The following DTWD2 variants were observed in gnomAD, a reference collection of about 807,000 sequenced individuals.
DTWD2 encodes the protein DTW motif tRNA-uridine aminocarboxypropyltransferase 2, also known as tRNA-uridine aminocarboxypropyltransferase 2.
In DTWD2, 39 loss-of-function variants were observed where a neutral mutation model predicts 31.8. The ratio of observed to expected loss-of-function variants is 1.22; its 90% CI spans 0.95 to 1.60. DTWD2 has a LOEUF of 1.60. Among genes scored for constraint, DTWD2 ranks in the 40% most tolerant of loss-of-function variants. The probability of loss-of-function intolerance (pLI) is 0.00; values close to 1 mark genes in which losing one functional copy is unlikely to be tolerated. For missense variants in DTWD2, 515 were observed against 381.5 expected, an observed-to-expected ratio of 1.35 and a Z score of -2.92; for synonymous variants, 180 against 142.8, an observed-to-expected ratio of 1.26 and a Z score of -1.86.
At chr5:118,976,664 C>G (rs546622966) in intron 1 of DTWD2, among the ~76,000 whole-genome samples, 55 of 152,294 alleles carry the variant, frequency 3.6e-4, no homozygotes, top group African/African-American at 1.3e-3. Context: ...CCTGAATAGA[C>G]CGATAACAAG....
chr5:118,973,057 C>A (rs1176898691), intron 1 of DTWD2, among the ~76,000 whole-genome samples: 1 of 149,284 alleles, frequency 6.7e-6, no homozygotes, highest in African/African-American at 2.5e-5. Flanking sequence ...TCTGTTTTAT[C>A]AGAAACTAGG....
At chr5:118,975,042 C>T (rs1326427758) in intron 1 of DTWD2, among the ~76,000 whole-genome samples, 2 of 152,110 alleles carry the variant, frequency 1.3e-5, no homozygotes, top group African/African-American at 4.8e-5. Context: ...GTGGTGTTCT[C>T]TGTATTTCCT....
At chr5:118,860,563 T>G (rs1752237746) in intron 4 of DTWD2, among the ~76,000 whole-genome samples, 1 of 152,128 alleles carries the variant, frequency 6.6e-6, no homozygotes, top group African/African-American at 2.4e-5. Context: ...AGGGAAAATT[T>G]ATGTAAATAT....
intron 1 of DTWD2, among the ~76,000 whole-genome samples, chr5:118,948,139 TA>T (rs1754380803): frequency 6.6e-6 from 1 of 152,122 alleles, no homozygotes; most frequent in Non-Finnish European, 1.5e-5. Context: ...TAGCCTGCCT[TA>T]GCTGGTGAGT....
intron 4 of DTWD2, among the ~76,000 whole-genome samples, chr5:118,927,865 C>G (rs1299556082): frequency 2.6e-5 from 4 of 152,022 alleles, no homozygotes; most frequent in Non-Finnish European, 4.4e-5. Context: ...ATATTAAAAT[C>G]TCTCCAATTT....
chr5:118,880,720 T>C (rs1442111033), intron 4 of DTWD2, among the ~76,000 whole-genome samples: 1 of 152,182 alleles, frequency 6.6e-6, no homozygotes, highest in East Asian at 1.9e-4. Context: ...ATCTTTCTCA[T>C]ACATTTCATA....
At chr5:118,970,427 G>C (rs912828017) in intron 1 of DTWD2, among the ~76,000 whole-genome samples, 1 of 151,544 alleles carries the variant, frequency 6.6e-6, no homozygotes, top group Non-Finnish European at 1.5e-5. Flanking sequence ...CTCTGTCTCA[G>C]AAAAAGAAAA....
At chr5:118,854,110 G>T (rs1178182115) in intron 4 of DTWD2, among the ~76,000 whole-genome samples, 2 of 151,994 alleles carry the variant, frequency 1.3e-5, no homozygotes, top group African/African-American at 4.8e-5. Context: ...CTCACTTACA[G>T]CATACAAATA....
chr5:118,873,725 G>A (rs950854916), intron 4 of DTWD2, among the ~76,000 whole-genome samples: 18 of 152,172 alleles, frequency 1.2e-4, no homozygotes, highest in African/African-American at 4.3e-4. Context: ...AACCCTGACA[G>A]AGAACAAGGA....
At chr5:118,852,137 A>T (rs1422998591) in intron 4 of DTWD2, among the ~76,000 whole-genome samples, 2 of 152,184 alleles carry the variant, frequency 1.3e-5, no homozygotes, top group East Asian at 3.8e-4. Context: ...GGCTCTCTGC[A>T]AGAAGAAAAA....
chr5:118,850,477 CAAA>C (rs34808087), intron 4 of DTWD2, among the ~76,000 whole-genome samples: 1,208 of 29,802 alleles, frequency 0.041, no homozygotes, highest in South Asian at 0.051. Flanking sequence ...GACCCCACCA[CAAA>C]AAAAAAAAAA....
chr5:118,863,696 T>G (rs1752318127), intron 4 of DTWD2, among the ~76,000 whole-genome samples: 1 of 152,204 alleles, frequency 6.6e-6, no homozygotes, highest in Admixed American at 6.5e-5. Context: ...GATGAAAAGG[T>G]AATTTTGGAC....
chr5:118,895,597 T>A (rs1428693156), intron 4 of DTWD2, among the ~76,000 whole-genome samples: 1 of 152,194 alleles, frequency 6.6e-6, no homozygotes, highest in Non-Finnish European at 1.5e-5. Flanking sequence ...CATCACATTG[T>A]CTGATTCCAA....
At chr5:118,847,530 AT>A (rs1157973314) in intron 5 of DTWD2, among the ~76,000 whole-genome samples, 1 of 152,142 alleles carries the variant, frequency 6.6e-6, no homozygotes, top group Non-Finnish European at 1.5e-5. Flanking sequence ...ATGATTATTA[AT>A]TATATATGAA....
At chr5:118,929,637 C>T (rs1157592401) in intron 3 of DTWD2, among the ~76,000 whole-genome samples, 1 of 152,120 alleles carries the variant, frequency 6.6e-6, no homozygotes, top group East Asian at 1.9e-4. Context: ...TGAAGTTTTT[C>T]TTATAACATC....
chr5:118,988,331 C>G lies in DTWD2; in HGVS notation c.181G>C (p.Glu61Gln), dbSNP rs888461991. 7 of 1,544,736 alleles carry G rather than the reference C, an allele frequency of 4.5e-6. No individual in the cohort carries two copies. The highest frequency in any genetic ancestry group is 6.1e-6 in the Non-Finnish European group (7 of 1,149,394). Residue 61 changes from glutamate to glutamine, a missense_variant, in exon 1 of 6, where the codon GAG becomes CAG. Transcript: ENST00000510708. ...SADGLWELPV[E>Q]PAERRPECTR... is the part of the protein sequence containing the mutation. ...CACTCAGGCCTCCGCTCGGCCGGCT[C>G]CACCGGCAGCTCCCACAGCCCGTCC...
At chr5:118,934,036 T>G (rs192908273) in intron 3 of DTWD2, among the ~76,000 whole-genome samples, 1 of 151,606 alleles carries the variant, frequency 6.6e-6, no homozygotes, top group Admixed American at 6.6e-5. Flanking sequence ...CATTTGTAAT[T>G]GTTTTAAATA....
In DTWD2 at chr5:118,839,550, T is replaced by TG. The variant is rs1028400288; in HGVS notation, c.*1366dup. On this transcript the variant is annotated 3_prime_UTR_variant, in exon 6 of 6. Transcript: ENST00000510708. ...TTTTTTTTTTAATTTTGTATGGAGA[T>TG]GGAGTCTCACCATATTGCCCAGGCT... The TG allele has an allele frequency of 2.0e-5, 3 of 151,924 alleles. No individual in the cohort carries two copies. The highest frequency in any genetic ancestry group is 2.9e-5 in the Non-Finnish European group (2 of 67,992). The allele number at this position is 151,924 out of a possible 1,614,324, so 9.4% of individuals were successfully genotyped here.
At chr5:118,878,654 T>A (rs1235930223) in intron 4 of DTWD2, among the ~76,000 whole-genome samples, 2 of 151,928 alleles carry the variant, frequency 1.3e-5, no homozygotes, top group Non-Finnish European at 2.9e-5. Flanking sequence ...AAAGCAAAAA[T>A]TGACAAATGG....
Sources: allele counts gnomAD v4.1 joint callset (sites outside exome capture counted in the v4.1 genomes callset), GRCh38; gene constraint gnomAD v4.1.1; transcripts MANE v1.5; gene names NCBI Gene and HGNC (gene_info 2026-07-23, HGNC 2026-07-21).